The following BICD1 variants were observed in gnomAD, a reference collection of about 807,000 sequenced individuals.
BICD1 encodes the protein BICD cargo adaptor 1.
BICD1 carries 35 observed loss-of-function variants against 92.5 expected under a neutral mutation model. The observed-to-expected ratio is 0.38, with a 90% CI of 0.29 to 0.50. BICD1 has a LOEUF of 0.50. Among genes scored for constraint, BICD1 ranks in the 20% least tolerant of loss-of-function variants. BICD1 has a pLI of 0.93. For synonymous variants in BICD1, 429 were observed against 465.1 expected (o/e 0.92, Z 1.00); for missense variants, 950 against 1,189.8 (o/e 0.80, Z 2.97).
intron 9 of BICD1, among the ~76,000 whole-genome samples, chr12:32,370,093 G>C (rs1008442694): frequency 2.0e-5 from 3 of 152,114 alleles, no homozygotes; most frequent in African/African-American, 4.8e-5. Flanking sequence ...GATAGGTCAG[G>C]CGTGGTGGCG....
chr12:32,267,425 C>G (rs1276901993), intron 2 of BICD1, among the ~76,000 whole-genome samples: 1 of 152,116 alleles, frequency 6.6e-6, no homozygotes, highest in Admixed American at 6.5e-5. Context: ...TAGTGTGTGG[C>G]AGAGAACAAG....
chr12:32,324,605 T>C (rs1948733726), intron 4 of BICD1, among the ~76,000 whole-genome samples: 1 of 151,842 alleles, frequency 6.6e-6, no homozygotes, highest in Admixed American at 6.6e-5. Context: ...AGATGGAGTC[T>C]CACTCTGTCG....
At chr12:32,371,336 GACT>G (rs1299491281) in intron 9 of BICD1, among the ~76,000 whole-genome samples, 1 of 152,138 alleles carries the variant, frequency 6.6e-6, no homozygotes, top group African/African-American at 2.4e-5. Context: ...CTGGGATGAT[GACT>G]GACTCTTTTC....
intron 1 of BICD1, among the ~76,000 whole-genome samples, chr12:32,115,857 G>A (rs10844129): frequency 0.11 from 16,368 of 152,126 alleles, 1,161 homozygotes; most frequent in East Asian, 0.32. Context: ...AGCCAGTCCT[G>A]CAGTGTGACC....
At chr12:32,194,405 T>G (rs1358568935) in intron 1 of BICD1, among the ~76,000 whole-genome samples, 1 of 152,192 alleles carries the variant, frequency 6.6e-6, no homozygotes, top group Non-Finnish European at 1.5e-5. Context: ...GAAAGCTAAA[T>G]AGTCTCTGTT....
chr12:32,191,087 C>G (rs1426062608), intron 1 of BICD1, among the ~76,000 whole-genome samples: 1 of 152,082 alleles, frequency 6.6e-6, no homozygotes, highest in Non-Finnish European at 1.5e-5. Flanking sequence ...GCAGCAAAAG[C>G]AATTCTAAGA....
chr12:32,141,047 A>T (rs1942905071), intron 1 of BICD1, among the ~76,000 whole-genome samples: 1 of 152,134 alleles, frequency 6.6e-6, no homozygotes, highest in Non-Finnish European at 1.5e-5. Flanking sequence ...AAATTCAGGC[A>T]TCTGTTAACC....
At chr12:32,171,225 G>A (rs1302495094) in intron 1 of BICD1, among the ~76,000 whole-genome samples, 1 of 152,234 alleles carries the variant, frequency 6.6e-6, no homozygotes, top group Admixed American at 6.5e-5. Context: ...TCACGATCAG[G>A]TGGGAGACTT....
intron 4 of BICD1, among the ~76,000 whole-genome samples, chr12:32,318,594 C>T (rs1483363477): frequency 1.3e-5 from 2 of 152,168 alleles, no homozygotes; most frequent in African/African-American, 4.8e-5. Context: ...GTGGCTCACA[C>T]CTGTAATCCC....
At chr12:32,240,036 T>A (rs73310736) in intron 2 of BICD1, among the ~76,000 whole-genome samples, 26,517 of 152,200 alleles carry the variant, frequency 0.17, 2,865 homozygotes, top group African/African-American at 0.3. Flanking sequence ...GACTCACTTT[T>A]TTGAGATATT....
chr12:32,342,142 GTATATATATGTGTGTATATATATGTA>G (rs1245069535), intron 8 of BICD1, among the ~76,000 whole-genome samples: 4 of 143,542 alleles, frequency 2.8e-5, no homozygotes, highest in Admixed American at 7.0e-5. Context: ...ATATATGTGT[GTATATATATGTGTGTATATATATGTA>G]TATATATATG....
intron 8 of BICD1, among the ~76,000 whole-genome samples, chr12:32,356,136 C>T (rs538061413): frequency 6.6e-6 from 1 of 152,170 alleles, no homozygotes; most frequent in African/African-American, 2.4e-5. Context: ...CACAAACATT[C>T]TCTCACCTGA....
At chr12:32,355,940 T>A (rs1046537322) in intron 8 of BICD1, among the ~76,000 whole-genome samples, 1 of 152,178 alleles carries the variant, frequency 6.6e-6, no homozygotes, top group Non-Finnish European at 1.5e-5. Flanking sequence ...GACAAGAGCA[T>A]TTCCGATGAA....
At chr12:32,242,665 T>C (rs1257626248) in intron 2 of BICD1, among the ~76,000 whole-genome samples, 1 of 152,214 alleles carries the variant, frequency 6.6e-6, no homozygotes, top group Non-Finnish European at 1.5e-5. Flanking sequence ...CTTAATCCTT[T>C]TCTGTAAGTG....
intron 1 of BICD1, among the ~76,000 whole-genome samples, chr12:32,145,707 A>AAAATAAACTGAAAATAAAC (rs1252639591): frequency 6.6e-6 from 1 of 152,202 alleles, no homozygotes; most frequent in Non-Finnish European, 1.5e-5. Flanking sequence ...CTTTCAGTTT[A>AAAATAAACTGAAAATAAAC]TTTTAAGGCT....
intron 5 of BICD1, chr12:32,332,615 C>G: frequency 3.3e-6 from 1 of 306,198 alleles, no homozygotes; most frequent in Non-Finnish European, 4.8e-6. Context: ...TACAGTTCAA[C>G]GTTACACATG....
intron 1 of BICD1, among the ~76,000 whole-genome samples, chr12:32,112,488 A>C (rs1003969316): frequency 1.3e-5 from 2 of 152,088 alleles, no homozygotes; most frequent in African/African-American, 4.8e-5. Flanking sequence ...CATCCCCTTA[A>C]ATATAGTTGT....
At chr12:32,342,142 G>GTATATATATGTA (rs1565684384) in intron 8 of BICD1, among the ~76,000 whole-genome samples, 4 of 143,550 alleles carry the variant, frequency 2.8e-5, no homozygotes, top group East Asian at 2.0e-4. Flanking sequence ...ATATATGTGT[G>GTATATATATGTA]TATATATATG....
intron 2 of BICD1, among the ~76,000 whole-genome samples, chr12:32,261,284 T>C (rs1946852340): frequency 6.6e-6 from 1 of 152,212 alleles, no homozygotes; most frequent in Non-Finnish European, 1.5e-5. Flanking sequence ...TAATTACCTC[T>C]TCCTGTGTTT....
Sources: allele counts gnomAD v4.1 joint callset (sites outside exome capture counted in the v4.1 genomes callset), GRCh38; gene constraint gnomAD v4.1.1; transcripts MANE v1.5; gene names NCBI Gene and HGNC (gene_info 2026-07-23, HGNC 2026-07-21).